Variants in TBC1D5 observed in about 807,000 individuals in gnomAD.
TBC1D5 encodes the protein TBC1 domain family member 5, also known as TBC1 domain family, member 5.
Under a neutral mutation model 100.3 loss-of-function variants are expected in TBC1D5, and 75 were observed. The ratio of observed to expected loss-of-function variants is 0.75; its 90% CI spans 0.62 to 0.91. TBC1D5 has a LOEUF of 0.91. TBC1D5 is among the 40% of genes least tolerant of loss of function. The pLI is 0.00. For synonymous variants in TBC1D5, 323 were observed against 325.6 expected (o/e 0.99, Z 0.09); for missense variants, 910 against 942.4 (o/e 0.97, Z 0.45).
intron 2 of TBC1D5, among the ~76,000 whole-genome samples, chr3:17,534,307 G>C (rs112045856): frequency 0.05 from 7,594 of 152,068 alleles, 249 homozygotes; most frequent in South Asian, 0.076. Context: ...CTTCATTAAT[G>C]GTAAACCAAT....
intron 8 of TBC1D5, among the ~76,000 whole-genome samples, chr3:17,392,800 T>C (rs2093391658): frequency 1.3e-5 from 2 of 152,214 alleles, no homozygotes. Flanking sequence ...GTCTTTGCTA[T>C]TGTGAACAGT....
At chr3:17,379,988 C>CTACTG (rs1286357609) in intron 9 of TBC1D5, among the ~76,000 whole-genome samples, 7 of 150,902 alleles carry the variant, frequency 4.6e-5, no homozygotes, top group Admixed American at 3.3e-4. Flanking sequence ...TAAGGGCGAA[C>CTACTG]TACTGTACTG....
At chr3:17,652,649 T>C (rs2065688675) in intron 1 of TBC1D5, among the ~76,000 whole-genome samples, 1 of 152,234 alleles carries the variant, frequency 6.6e-6, no homozygotes, top group Non-Finnish European at 1.5e-5. Context: ...GTAGTTTAAT[T>C]AGAATGACAA....
chr3:17,414,953 T>C (rs1198768265), intron 4 of TBC1D5, among the ~76,000 whole-genome samples: 1 of 152,216 alleles, frequency 6.6e-6, no homozygotes, highest in African/African-American at 2.4e-5. Flanking sequence ...TGTTATCATA[T>C]GATAAGGCTC....
chr3:17,364,270 T>C (rs1390009512), intron 13 of TBC1D5, among the ~76,000 whole-genome samples: 1 of 152,192 alleles, frequency 6.6e-6, no homozygotes, highest in Non-Finnish European at 1.5e-5. Flanking sequence ...TACTGGTTTG[T>C]GATCTTTCCT....
intron 1 of TBC1D5, among the ~76,000 whole-genome samples, chr3:17,703,972 G>A (rs1441870156): frequency 1.9e-4 from 27 of 143,728 alleles, no homozygotes; most frequent in African/African-American, 7.0e-4. Flanking sequence ...CTCACAGAGG[G>A]GGATTTGGCA....
chr3:17,314,736 T>C (rs2084462871), intron 13 of TBC1D5, among the ~76,000 whole-genome samples: 1 of 152,236 alleles, frequency 6.6e-6, no homozygotes, highest in Admixed American at 6.5e-5. Flanking sequence ...GATTCCTGTT[T>C]CCTGTCGATA....
intron 15 of TBC1D5, among the ~76,000 whole-genome samples, chr3:17,280,481 C>T (rs1377324888): frequency 6.6e-6 from 1 of 152,128 alleles, no homozygotes; most frequent in Admixed American, 6.6e-5. Flanking sequence ...CCCATAAAAA[C>T]CCCAGGTTCT....
chr3:17,674,977 G>T (rs962819957), intron 1 of TBC1D5, among the ~76,000 whole-genome samples: 1 of 152,042 alleles, frequency 6.6e-6, no homozygotes, highest in African/African-American at 2.4e-5. Flanking sequence ...CATGTTTTAT[G>T]AAGCAAAATA....
intron 13 of TBC1D5, among the ~76,000 whole-genome samples, chr3:17,361,651 A>C (rs949355195): frequency 6.6e-6 from 1 of 152,106 alleles, no homozygotes; most frequent in African/African-American, 2.4e-5. Flanking sequence ...CCATGGTACA[A>C]AAAGGAAGCC....
chr3:17,367,515 T>A (rs2092220260), intron 13 of TBC1D5, among the ~76,000 whole-genome samples: 1 of 152,150 alleles, frequency 6.6e-6, no homozygotes, highest in Non-Finnish European at 1.5e-5. Context: ...TAGAACCTAA[T>A]TTTTTTAAGT....
intron 1 of TBC1D5, among the ~76,000 whole-genome samples, chr3:17,727,288 G>A (rs1041622595): frequency 6.6e-6 from 1 of 152,208 alleles, no homozygotes; most frequent in Non-Finnish European, 1.5e-5. Flanking sequence ...GGCTGAGACA[G>A]GAGAATCGCT....
intron 1 of TBC1D5, among the ~76,000 whole-genome samples, chr3:17,735,620 A>C (rs754627320): frequency 5.9e-5 from 9 of 152,208 alleles, no homozygotes; most frequent in Non-Finnish European, 1.2e-4. Flanking sequence ...CATGGGTCAC[A>C]GAAGAGAACC....
intron 2 of TBC1D5, among the ~76,000 whole-genome samples, chr3:17,513,105 G>A (rs987919168): frequency 1.3e-5 from 2 of 151,980 alleles, no homozygotes; most frequent in South Asian, 4.1e-4. Context: ...AGGCAGAGGC[G>A]GGCAGATCAC....
chr3:17,163,869 G>A (rs1475788695), intron 21 of TBC1D5, among the ~76,000 whole-genome samples: 1 of 152,144 alleles, frequency 6.6e-6, no homozygotes, highest in East Asian at 1.9e-4. Flanking sequence ...ATAGATACGT[G>A]GCTAGTGGCT....
At chr3:17,412,346 G>C (rs1171576174) in intron 4 of TBC1D5, among the ~76,000 whole-genome samples, 1 of 152,062 alleles carries the variant, frequency 6.6e-6, no homozygotes, top group East Asian at 1.9e-4. Flanking sequence ...AATAACAGTA[G>C]CACCATAGCC....
chr3:17,661,899 C>T (rs11128839), intron 1 of TBC1D5, among the ~76,000 whole-genome samples: 85,141 of 149,866 alleles, frequency 0.57, 24,890 homozygotes, highest in East Asian at 0.99. Flanking sequence ...TCAACTCCCC[C>T]TTTTTTTTTA....
chr3:17,446,643 G>T (rs568573231), intron 3 of TBC1D5, among the ~76,000 whole-genome samples: 1 of 152,324 alleles, frequency 6.6e-6, no homozygotes, highest in Non-Finnish European at 1.5e-5. Context: ...TAAAGCTTAG[G>T]ATAAAAACAG....
At chr3:17,321,531 T>C (rs940218910) in intron 13 of TBC1D5, among the ~76,000 whole-genome samples, 1 of 152,232 alleles carries the variant, frequency 6.6e-6, no homozygotes, top group Non-Finnish European at 1.5e-5. Context: ...TTGAGATGAA[T>C]ATTTAATTCA....
Sources: gnomAD v4.1 joint callset for allele counts (sites outside exome capture counted in the v4.1 genomes callset) on GRCh38, gnomAD v4.1.1 for gene constraint, MANE v1.5 for transcripts, NCBI Gene and HGNC (gene_info 2026-07-23, HGNC 2026-07-21) for gene names.